The following SPEG variants were observed in gnomAD, a reference collection of about 807,000 sequenced individuals.
SPEG encodes striated muscle preferentially expressed protein kinase.
A neutral mutation model predicts 300.4 loss-of-function variants in SPEG; 114 were observed. That is an observed-to-expected ratio of 0.38 (90% CI 0.33 to 0.44). The LOEUF (loss-of-function observed/expected upper bound fraction) is 0.44. Ranked by LOEUF, SPEG falls within the 20% of genes least tolerant of loss-of-function variation. The probability of loss-of-function intolerance (pLI) is 1.00; values close to 1 mark genes in which losing one functional copy is unlikely to be tolerated. For missense variants in SPEG, 4,201 were observed against 4,586.2 expected (o/e 0.92, Z 2.43); for synonymous variants, 1,964 against 2,018.9 (o/e 0.97, Z 0.73).
intron 31 of SPEG, among the ~76,000 whole-genome samples, chr2:219,486,018 C>G (rs965003314): frequency 1.3e-5 from 2 of 152,260 alleles, no homozygotes; most frequent in African/African-American, 4.8e-5. Flanking sequence ...AAGACACTCA[C>G]TTTCTCTCCA....
chr2:219,449,347 CA>C (rs1388538987), intron 4 of SPEG, 76 bp downstream of exon 4: 17 of 1,191,282 alleles, frequency 1.4e-5, no homozygotes, highest in Non-Finnish European at 1.7e-5. Flanking sequence ...GACTGCTCAG[CA>C]GGAGCCGGGG....
Position 219,490,945 on chromosome 2 carries a change from T to A in SPEG, c.9374T>A (p.Leu3125Gln). ...CCCCTTGGCCACCGCACGGGCACGC[T>A]GGAGTTCATGGGTGAGGGGACCAGC... ...LRPLGHRTGTLEFMAPEMVKG... is the reference protein window; with the variant it reads ...LRPLGHRTGTQEFMAPEMVKG... The change falls in exon 38 of 41, where the codon CTG (leucine) becomes CAG (glutamine). Residue 3125 changes from leucine (L) to glutamine (Q), a missense_variant. Physicochemically the swap from Leu to Gln is moderately radical, Grantham distance 113. This residue lies in a region of SPEG where 318 missense variants were observed against 429.5 expected (regional missense o/e 0.74). Coordinates refer to ENST00000312358, the MANE Select transcript of SPEG (RefSeq NM_005876.5). 6.2e-7 allele frequency: 1 copy of A among 1,612,164 alleles called. No homozygotes were observed. Among genetic ancestry groups the A allele is most frequent in the Non-Finnish European group, 8.5e-7 (1 of 1,179,356 alleles).
Position 219,464,848 on chromosome 2 carries a change from G to A in SPEG, c.2881+240G>A. 2.0e-6 allele frequency: 1 copy of A among 502,264 alleles called. No individual in the cohort carries two copies. Among genetic ancestry groups the A allele is most frequent in the South Asian group, 2.6e-5 (1 of 37,812 alleles). 31.1% of individuals were successfully genotyped at this position (502,264 alleles called of 1,614,324 possible). ...CTTACTACACAACACCACCTTCCCT[G>A]TTGCTCCATCACGGAGCCCTGGCGG... On this transcript the variant is annotated intron_variant, in intron 9 of 40. Coordinates refer to ENST00000312358, the MANE Select transcript of SPEG (RefSeq NM_005876.5). This position sits in a 1 kb window ranked among gnomAD's most constrained non-coding sequence, Gnocchi z 4.5.
chr2:219,466,097 C>A (rs965271921), intron 9 of SPEG: 10 of 1,594,494 alleles, frequency 6.3e-6, no homozygotes, highest in African/African-American at 1.3e-5. Flanking sequence ...CCCCCGCTAC[C>A]CTCCGAGCCG....
In SPEG at chr2:219,435,322, C is replaced by T. The variant is rs781560566; in HGVS notation, c.345C>T (p.Gly115=). ...VYSCMAQNER[G]RASCEAVLTV... is the part of the protein sequence containing the mutation. ...GCTGCATGGCCCAGAACGAGCGGGG[C>T]CGGGCCTCCTGCGAGGCGGTGCTCA... Residue 115 remains glycine, a synonymous_variant, in exon 1 of 41, where the codon GGC becomes GGT. Transcript: ENST00000312358. The T allele has an allele frequency of 6.5e-6, 10 of 1,536,700 alleles. No homozygotes were observed. In the East Asian group the frequency reaches 9.8e-5, roughly 15 times the overall value.
Position 219,448,683 on chromosome 2 carries a change from G to T in SPEG, c.1525G>T (p.Glu509Ter), listed in dbSNP as rs766387897. 6.7e-7 allele frequency: 1 copy of T among 1,493,974 alleles called. No individual in the cohort carries two copies. The highest frequency in any genetic ancestry group is 1.2e-5 in the South Asian group (1 of 80,116). 92.5% of individuals were successfully genotyped at this position (1,493,974 alleles called of 1,614,324 possible). ...CATCCGCCGCTCCACGTCGCGGGAG[G>T]AGCTGGTGCGCTCGCACGAGTCCCT... ...GRIRRSTSRE[E>*]LVRSHESLRA... The change falls in exon 4 of 41, where the codon GAG (glutamate) becomes TAG (stop). Residue 509 changes from glutamate to a stop codon, truncating the protein, a stop_gained. Transcript: ENST00000312358. LOFTEE classifies it high-confidence loss of function.
chr2:219,450,924 T>A, intron 4 of SPEG: 1 of 523,240 alleles, frequency 1.9e-6, no homozygotes, highest in Non-Finnish European at 3.3e-6. Flanking sequence ...GAGTCAAGGC[T>A]GCCCTGACCT....
At position 219,492,766 on chromosome 2, in the gene SPEG, T is replaced by C. The variant is rs55667263; in HGVS notation, c.9784T>C (p.Ser3262Pro). The change falls in exon 41 of 41, where the codon TCC becomes CCC. Residue 3262 changes from serine to proline, a missense_variant. Around this residue, in one of 4 missense-constraint regions of SPEG, gnomAD observed 318 missense variants for 429.5 expected, o/e 0.74. Coordinates refer to ENST00000312358, the MANE Select transcript of SPEG (RefSeq NM_005876.5). ...AATRHKVLLRSYPGGP is the reference protein window; with the variant it reads ...AATRHKVLLRPYPGGP ...CACCCGCCACAAGGTGCTGCTGCGC[T>C]CCTACCCTGGCGGCCCCTAGAGGCA... The C allele has an allele frequency of 1.8e-5, 28 of 1,597,978 alleles. No homozygotes were observed. The highest frequency in any genetic ancestry group is 2.3e-5 in the Non-Finnish European group (27 of 1,177,504).
Position 219,490,662 on chromosome 2 carries a change from C to A in SPEG, c.9161+14C>A, listed in dbSNP as rs750074455. 28 of 1,608,834 alleles carry A rather than the reference C, an allele frequency of 1.7e-5. No homozygotes were observed. Among genetic ancestry groups the A allele is most frequent in the Non-Finnish European group, 2.2e-5 (26 of 1,175,596 alleles). On this transcript the variant is annotated intron_variant, in intron 37 of 40. Transcript: ENST00000312358. The stretch of plus-strand genomic sequence containing the variant: ...GCTCAGTGACAGGTAGCTGGGAATT[C>A]TAGGGGAGTAGGGAGGAAGAGGTAG...
Position 219,477,595 on chromosome 2 carries a change from C to A in SPEG, c.4730-94C>A. 7.2e-7 allele frequency: 1 copy of A among 1,386,624 alleles called. No homozygotes were observed. The highest frequency in any genetic ancestry group is 9.8e-7 in the Non-Finnish European group (1 of 1,016,758). The allele number at this position is 1,386,624 out of a possible 1,614,324, so 85.9% of individuals were successfully genotyped here. A position where few individuals can be genotyped will look rare whatever the true frequency, so the allele number is the denominator to read the frequency against. On this transcript the variant is annotated intron_variant, in intron 20 of 40. Transcript: ENST00000312358. This position sits in a 1 kb window ranked among gnomAD's most constrained non-coding sequence, Gnocchi z 6.4. ...GCCTTGAGCCCCCAACATTCTTGCA[C>A]CTCTTCTCTCTTCTTCTTCTGTCCA...
At chr2:219,492,077 C>A in intron 39 of SPEG, 34 bp from the exon 40 acceptor site, 1 of 1,593,356 alleles carries the variant, frequency 6.3e-7, no homozygotes, top group South Asian at 1.1e-5. Flanking sequence ...GGCCTCCGGT[C>A]TGCATACGTC....
At position 219,451,555 on chromosome 2, in the gene SPEG, G is replaced by C; in HGVS notation, c.2258-70G>C. The C allele has an allele frequency of 7.2e-7, 1 of 1,389,910 alleles. No individual in the cohort carries two copies. The highest frequency in any genetic ancestry group is 9.5e-7 in the Non-Finnish European group (1 of 1,050,848). The allele number at this position is 1,389,910 out of a possible 1,614,324, so 86.1% of individuals were successfully genotyped here. On this transcript the variant is annotated intron_variant, in intron 5 of 40. Transcript: ENST00000312358. The surrounding 1 kb of genome is among the most constrained non-coding windows in gnomAD (Gnocchi z 6.4). ...GGTTTGGTCTCCTGTGTGGTGTGTG[G>C]GGTAGGAGTAGAGATTCTCAGTGGG...
chr2:219,481,256 C>T lies in SPEG; in HGVS notation c.5370-48C>T, dbSNP rs775582963. On this transcript the variant is annotated intron_variant, in intron 26 of 40. Transcript: ENST00000312358. This position sits in a 1 kb window ranked among gnomAD's most constrained non-coding sequence, Gnocchi z 5.4. Reference sequence around the variant, plus strand: ...CAGCCCTGTGCCCCCACTGACATTCCCCTTTGTCCCCGCCTGCCCCTCATG... The same window carrying T: ...CAGCCCTGTGCCCCCACTGACATTCTCCTTTGTCCCCGCCTGCCCCTCATG... 1.3e-6 allele frequency: 2 copies of T among 1,593,584 alleles called. No individual in the cohort carries two copies. The highest frequency in any genetic ancestry group is 1.7e-6 in the Non-Finnish European group (2 of 1,167,262).
At chr2:219,474,154 G>T in intron 18 of SPEG, 1 of 392,748 alleles carries the variant, frequency 2.5e-6, no homozygotes, top group Non-Finnish European at 4.6e-6. Flanking sequence ...GACACAGGTG[G>T]ATTACCTGAG....
chr2:219,479,152 A>G lies in SPEG; in HGVS notation c.5036A>G (p.Glu1679Gly), dbSNP rs1415378221. The change falls in exon 23 of 41, where the codon GAG (glutamate) becomes GGG (glycine). Residue 1679 changes from glutamate to glycine, a missense_variant. Around this residue, in one of 4 missense-constraint regions of SPEG, gnomAD observed 1,047 missense variants for 1,356.8 expected, o/e 0.77. Transcript: ENST00000312358. This position sits in a 1 kb window ranked among gnomAD's most constrained non-coding sequence, Gnocchi z 5.5. ...GLVIVTELCT[E>G]ELLERIARKP... ...CTTGATCTGGGATGTAGCTGCACAG[A>G]GGAGCTGCTGGAGCGAATCGCCAGG... 2.5e-6 allele frequency: 4 copies of G among 1,613,640 alleles called. No homozygotes were observed. Among genetic ancestry groups the G allele is most frequent in the Non-Finnish European group, 3.4e-6 (4 of 1,179,952 alleles).
Position 219,462,396 on chromosome 2 carries a change from C to T in SPEG, c.2705+10C>T, listed in dbSNP as rs186656245. On this transcript the variant is annotated intron_variant, in intron 8 of 40. Transcript: ENST00000312358. ...AGCCTGTGGTCTCCTGGTGAGTAGC[C>T]GCACTTTCCACCACCCACCAGCGAC... 2.0e-4 allele frequency: 305 copies of T among 1,552,126 alleles called. No individual in the cohort carries two copies. The African/African-American group carries it at 3.6e-3, about 18-fold the overall frequency.
At chr2:219,471,559 AG>A in intron 13 of SPEG, 1 of 388,606 alleles carries the variant, frequency 2.6e-6, no homozygotes, top group Non-Finnish European at 4.8e-6. Flanking sequence ...CAACAGAGGC[AG>A]GGACCCCAGA....
Position 219,443,127 on chromosome 2 carries a change from G to T in SPEG, c.389-1526G>T, listed in dbSNP as rs750550900. On this transcript the variant is annotated intron_variant, in intron 1 of 40. Transcript: ENST00000312358. The surrounding 1 kb of genome is among the most constrained non-coding windows in gnomAD (Gnocchi z 4.6). ...TTTCAGAAAACCGGCCATTCCCGCC[G>T]GGCCTTTGGCCGACTCACCCATGGT... The T allele has an allele frequency of 1.2e-6, 2 of 1,612,458 alleles. No homozygotes were observed. Among genetic ancestry groups the T allele is most frequent in the African/African-American group, 2.7e-5 (2 of 74,888 alleles).
chr2:219,485,313 T>C (rs748665566), intron 30 of SPEG, 33 bp from the exon 31 acceptor site: 69 of 1,590,846 alleles, frequency 4.3e-5, no homozygotes, highest in Non-Finnish European at 5.8e-5. Flanking sequence ...TGGTACTGAC[T>C]GAACAAATAC....
Sources: allele counts gnomAD v4.1 joint callset (sites outside exome capture counted in the v4.1 genomes callset), GRCh38; gene constraint gnomAD v4.1.1; regional missense constraint gnomAD v4.1.1; non-coding constraint Gnocchi (gnomAD v3.1); transcripts MANE v1.5; gene names NCBI Gene and HGNC (gene_info 2026-07-23, HGNC 2026-07-21).